Variants in SCTR observed in about 807,000 individuals in gnomAD.
The protein encoded by SCTR is pancreatic secretin receptor.
SCTR carries 56 observed loss-of-function variants against 60.8 expected under a neutral mutation model. That is an observed-to-expected ratio of 0.92 (90% CI 0.74 to 1.15). The LOEUF (loss-of-function observed/expected upper bound fraction) is 1.15. Ranked by LOEUF, SCTR falls within the 50% of genes most tolerant of loss-of-function variation. The pLI, the probability that SCTR is intolerant of heterozygous loss-of-function variation, is 0.00. For synonymous variants in SCTR, 202 were observed against 217.0 expected (o/e 0.93, Z 0.61); for missense variants, 562 against 550.4 (o/e 1.02, Z -0.21).
At chr2:119,512,248 C>T (rs1017167753) in intron 1 of SCTR, among the ~76,000 whole-genome samples, 5 of 152,024 alleles carry the variant, frequency 3.3e-5, no homozygotes, top group Admixed American at 2.6e-4. Flanking sequence ...ATTCTCCAAT[C>T]TTTTCATCTT....
intron 3 of SCTR, among the ~76,000 whole-genome samples, chr2:119,474,241 C>T (rs939633556): frequency 6.6e-6 from 1 of 152,214 alleles, no homozygotes; most frequent in South Asian, 2.1e-4. Context: ...GGCCCAGAGC[C>T]TCTGCTTATC....
rs547386980 is a variant in SCTR, at chr2:119,456,259, C to T, written c.791-2912G>A. On this transcript the variant is annotated intron_variant, in intron 7 of 12. Transcript: ENST00000019103. ...TATTTTAGTAGAGACAGGGTTTCAA[C>T]ACGTTGGCCAGGATGGTCTCGAACT... Among the ~76,000 whole-genome samples the T allele has an allele frequency of 2.0e-5, 3 of 152,100 alleles. No homozygotes were observed. In the South Asian group the frequency reaches 6.2e-4, roughly 32 times the overall value.
chr2:119,494,675 A>G (rs1056052518), intron 1 of SCTR, 127 bp from the exon 2 acceptor site: 7 of 962,166 alleles, frequency 7.3e-6, no homozygotes, highest in Non-Finnish European at 1.1e-5. Flanking sequence ...GCCTGCAAGG[A>G]TCTCCTGGTC....
intron 3 of SCTR, among the ~76,000 whole-genome samples, chr2:119,477,585 G>A (rs1397222457): frequency 6.6e-6 from 1 of 152,060 alleles, no homozygotes; most frequent in Non-Finnish European, 1.5e-5. Context: ...TGAGTAGCTG[G>A]GATTACAGGT....
rs1194237994 is a variant in SCTR, at chr2:119,462,002, T to G, written c.637-2A>C. On this transcript the variant is annotated splice_acceptor_variant, in intron 6 of 12. Coordinates refer to ENST00000019103, the MANE Select transcript of SCTR (RefSeq NM_002980.3). LOFTEE classifies it high-confidence loss of function. ...CACCATGACCAGCTTGCAGCCCGCC[T>G]GGAGAGAGAGAGGCAGCTGAACCCA... 1 of 1,597,418 alleles carries G rather than the reference T, an allele frequency of 6.3e-7. No individual in the cohort carries two copies. Among genetic ancestry groups the G allele is most frequent in the Non-Finnish European group, 8.5e-7 (1 of 1,171,420 alleles).
intron 4 of SCTR, 72 bp from the exon 5 acceptor site, chr2:119,465,958 C>A: frequency 1.8e-6 from 2 of 1,103,728 alleles, no homozygotes; most frequent in Non-Finnish European, 2.8e-6. Context: ...TCACTGCATC[C>A]GCTTCAGGCA....
At chr2:119,479,875 C>T (rs1404549156) in intron 2 of SCTR, 2 of 152,188 alleles carry the variant, frequency 1.3e-5, no homozygotes, top group Admixed American at 6.5e-5. Context: ...CTTCTGAAAA[C>T]TGAAAGATTT....
chr2:119,450,756 G>A (rs1011467227), intron 9 of SCTR, among the ~76,000 whole-genome samples: 2 of 152,096 alleles, frequency 1.3e-5, no homozygotes, highest in Non-Finnish European at 2.9e-5. Flanking sequence ...GATCACTCGA[G>A]TCCAGGAATT....
intron 2 of SCTR, chr2:119,479,266 T>G: frequency 9.7e-7 from 1 of 1,032,082 alleles, no homozygotes; most frequent in Non-Finnish European, 1.2e-6. Context: ...CAGTTTGCAT[T>G]AAACAACTAA....
At chr2:119,464,031 G>C (rs1461364268) in intron 6 of SCTR, 92 bp downstream of exon 6, 2 of 1,370,638 alleles carry the variant, frequency 1.5e-6, no homozygotes, top group Non-Finnish European at 2.1e-6. Context: ...CAGGGGCTTG[G>C]GGGAAGGACA....
chr2:119,484,125 G>A (rs1677756686), intron 2 of SCTR, among the ~76,000 whole-genome samples: 1 of 152,132 alleles, frequency 6.6e-6, no homozygotes, highest in Admixed American at 6.5e-5. Context: ...TTGGGGGTAA[G>A]CGGCATTCAT....
At chr2:119,454,969 G>T (rs951389238) in intron 7 of SCTR, among the ~76,000 whole-genome samples, 3 of 152,088 alleles carry the variant, frequency 2.0e-5, no homozygotes, top group African/African-American at 7.2e-5. Flanking sequence ...AACAAATACT[G>T]CCTGTTTCAT....
chr2:119,471,586 C>T (rs760712065), intron 4 of SCTR, among the ~76,000 whole-genome samples: 5 of 152,196 alleles, frequency 3.3e-5, no homozygotes, highest in Non-Finnish European at 7.3e-5. Context: ...AGACGGGGTG[C>T]TCTGACACAC....
intron 5 of SCTR, among the ~76,000 whole-genome samples, chr2:119,465,421 A>G (rs542166043): frequency 4.6e-5 from 7 of 152,120 alleles, no homozygotes; most frequent in Admixed American, 2.6e-4. Flanking sequence ...TGCCACTTAC[A>G]TGGGTCAGGT....
chr2:119,521,761 C>A (rs1167803530), intron 1 of SCTR, among the ~76,000 whole-genome samples: 1 of 152,108 alleles, frequency 6.6e-6, no homozygotes, highest in Non-Finnish European at 1.5e-5. Flanking sequence ...TATTTGAACA[C>A]ACTTAGATTT....
chr2:119,480,142 G>A (rs1014593104), intron 2 of SCTR, among the ~76,000 whole-genome samples: 5 of 152,146 alleles, frequency 3.3e-5, no homozygotes, highest in Non-Finnish European at 7.4e-5. Context: ...GCATCTATTT[G>A]TAAATTCATG....
chr2:119,510,906 T>C (rs924855010), intron 1 of SCTR, among the ~76,000 whole-genome samples: 7 of 152,212 alleles, frequency 4.6e-5, no homozygotes, highest in Admixed American at 1.3e-4. Context: ...TGTTTTAAAA[T>C]TATATTCTTG....
chr2:119,440,068 C>T lies in SCTR; in HGVS notation c.*49G>A, dbSNP rs372584345. ...CTGTCCCACAGCAGTGCCCAGCCTT[C>T]GCAGGACCTCTCTTGGTCTCTGTCC... On this transcript the variant is annotated 3_prime_UTR_variant, in exon 13 of 13. Transcript: ENST00000019103. 8 of 1,576,090 alleles carry T rather than the reference C, an allele frequency of 5.1e-6. No individual in the cohort carries two copies. Among genetic ancestry groups the T allele is most frequent in the East Asian group, 4.5e-5 (2 of 44,318 alleles).
chr2:119,505,219 A>C (rs1359489410), intron 1 of SCTR, among the ~76,000 whole-genome samples: 1 of 151,894 alleles, frequency 6.6e-6, no homozygotes, highest in Non-Finnish European at 1.5e-5. Flanking sequence ...TGCTATAAAG[A>C]CACATGCACA....
Sources: gnomAD v4.1 joint callset for allele counts (sites outside exome capture counted in the v4.1 genomes callset) on GRCh38, gnomAD v4.1.1 for gene constraint, MANE v1.5 for transcripts, NCBI Gene and HGNC (gene_info 2026-07-23, HGNC 2026-07-21) for gene names.